Variants in MFN2 observed in about 807,000 individuals in gnomAD.
MFN2 encodes mitofusin 2, also known as mitofusin-2.
A neutral mutation model predicts 87.5 loss-of-function variants in MFN2; 43 were observed. The observed-to-expected ratio is 0.49, with a 90% confidence interval of 0.38 to 0.63. The LOEUF (loss-of-function observed/expected upper bound fraction) is 0.63. MFN2 is among the 30% of genes least tolerant of loss of function. The pLI, the probability that MFN2 is intolerant of heterozygous loss-of-function variation, is 0.00. For missense variants in MFN2, 743 were observed against 972.8 expected (o/e 0.76, Z 3.14); for synonymous variants, 337 against 359.9 (o/e 0.94, Z 0.72).
intron 18 of MFN2, among the ~76,000 whole-genome samples, chr1:12,010,259 GA>G (rs1639633734): frequency 6.6e-6 from 1 of 152,248 alleles, no homozygotes; most frequent in Admixed American, 6.5e-5. Context: ...ACTTGCAGTT[GA>G]AGGCATGATG....
chr1:11,987,038 G>A (rs796594640), intron 2 of MFN2, among the ~76,000 whole-genome samples: 1 of 152,196 alleles, frequency 6.6e-6, no homozygotes, highest in Non-Finnish European at 1.5e-5. Flanking sequence ...GGCTGGGTAC[G>A]GTGGCTCACG....
At chr1:11,993,603 C>T (rs972238202) in intron 4 of MFN2, among the ~76,000 whole-genome samples, 14 of 151,996 alleles carry the variant, frequency 9.2e-5, no homozygotes, top group South Asian at 4.2e-4. Context: ...GGTGAGGTGG[C>T]GGGCGCCTGT....
intron 17 of MFN2, among the ~76,000 whole-genome samples, 163 bp from the exon 18 acceptor site, chr1:12,009,429 C>G (rs1301742504): frequency 1.3e-5 from 2 of 152,190 alleles, no homozygotes; most frequent in African/African-American, 4.8e-5. Context: ...ATTATTCAGT[C>G]TCAGCAGGGT....
intron 1 of MFN2, 119 bp from the exon 2 acceptor site, chr1:11,981,851 T>G (rs932887727): frequency 6.6e-6 from 1 of 151,790 alleles, no homozygotes; most frequent in Non-Finnish European, 1.5e-5. Flanking sequence ...AATACCTCAA[T>G]GAGTAAGCTT....
rs1415683404 is a variant in MFN2 at position 11,981,998 on chromosome 1, T to G, written c.-121T>G. The G allele has an allele frequency of 1.4e-5, 2 of 147,028 alleles. No homozygotes were observed. Among genetic ancestry groups the G allele is most frequent in the Non-Finnish European group, 3.0e-5 (2 of 67,546 alleles). 9.1% of individuals were successfully genotyped at this position (147,028 alleles called of 1,614,324 possible). ...GGACTGGTGGAGTCAACACAGTCAA[T>G]CAATAGCCAACCTCAACCTGAGACA... On this transcript the variant is annotated 5_prime_UTR_variant, in exon 2 of 19. Transcript: ENST00000235329.
rs562708886 is a variant in MFN2, at chr1:12,012,138, C to T, written c.*573C>T. Reference sequence around the variant, plus strand: ...TCTTGGTGGTGAGGCTCAGTTACCCCTGGGCTTAGGCTGAGGCGGGCCCTG... The same window carrying T: ...TCTTGGTGGTGAGGCTCAGTTACCCTTGGGCTTAGGCTGAGGCGGGCCCTG... On this transcript the variant is annotated 3_prime_UTR_variant, in exon 19 of 19. Transcript: ENST00000235329. The T allele has an allele frequency of 6.1e-6, 1 of 162,772 alleles. No homozygotes were observed. The highest frequency in any genetic ancestry group is 1.4e-5 in the Non-Finnish European group (1 of 73,618). The allele number at this position is 162,772 out of a possible 1,614,324, so 10.1% of individuals were successfully genotyped here.
At chr1:12,006,417 C>T in intron 15 of MFN2, 121 bp from the exon 16 acceptor site, 3 of 1,324,340 alleles carry the variant, frequency 2.3e-6, no homozygotes, top group Admixed American at 4.1e-5. Flanking sequence ...CCCCTTTTTG[C>T]CTTTTGGAAA....
chr1:11,999,127 G>A (rs750860476), intron 8 of MFN2, 32 bp downstream of exon 8: 5 of 1,586,250 alleles, frequency 3.2e-6, no homozygotes, highest in Admixed American at 1.7e-5. Flanking sequence ...TTTGGGGAAT[G>A]CAACCCCGAG....
chr1:12,002,106 A>G lies in MFN2; in HGVS notation c.1160+3A>G, dbSNP rs780879194. On this transcript the variant is annotated splice_donor_region_variant and intron_variant, in intron 11 of 18. Coordinates refer to ENST00000235329, the MANE Select transcript of MFN2 (RefSeq NM_014874.4). Reference sequence around the variant, plus strand: ...CACATGGCGGCTCGGGAGCAGCAGTAAGAGTCCAAGACTGCAGATAGGTGG... The same window carrying G: ...CACATGGCGGCTCGGGAGCAGCAGTGAGAGTCCAAGACTGCAGATAGGTGG... 1 of 1,614,218 alleles carries G rather than the reference A, an allele frequency of 6.2e-7. No homozygotes were observed. The highest frequency in any genetic ancestry group is 8.5e-7 in the Non-Finnish European group (1 of 1,180,032).
At chr1:12,009,892 GC>G (rs1330959408) in intron 18 of MFN2, among the ~76,000 whole-genome samples, 166 bp downstream of exon 18, 2 of 152,184 alleles carry the variant, frequency 1.3e-5, no homozygotes, top group Non-Finnish European at 2.9e-5. Flanking sequence ...GGTGGCTGAC[GC>G]CTATAATCCC....
chr1:12,001,306 C>T (rs1639160510), intron 8 of MFN2, 95 bp from the exon 9 acceptor site: 1 of 1,527,838 alleles, frequency 6.5e-7, no homozygotes, highest in Non-Finnish European at 8.9e-7. Context: ...AGCCACCATG[C>T]CCAGCCTCTT....
rs1569862709 is a variant in MFN2 at position 12,004,900 on chromosome 1, C to T, written c.1468C>T (p.Leu490=). The T allele has an allele frequency of 3.7e-6, 6 of 1,612,608 alleles. No homozygotes were observed. Among genetic ancestry groups the T allele is most frequent in the African/African-American group, 2.7e-5 (2 of 74,986 alleles). Residue 490 remains leucine, a synonymous_variant, in exon 14 of 19, where the codon CTG becomes TTG. Coordinates refer to ENST00000235329, the MANE Select transcript of MFN2 (RefSeq NM_014874.4). This position sits in a 1 kb window ranked among gnomAD's most constrained non-coding sequence, Gnocchi z 4.2. Reference sequence around the variant, plus strand: ...CTGCTCCACGGCCATCACCAACTCCCTGCAGACCATGCAGCAGGACATGAT... The same window carrying T: ...CTGCTCCACGGCCATCACCAACTCCTTGCAGACCATGCAGCAGGACATGAT... ...DRCSTAITNS[L]QTMQQDMIDG...
intron 3 of MFN2, among the ~76,000 whole-genome samples, chr1:11,991,421 T>A (rs1198037403): frequency 1.3e-5 from 2 of 152,254 alleles, no homozygotes; most frequent in East Asian, 3.9e-4. Context: ...CAGTGCTGTC[T>A]AAGCTAGACC....
intron 2 of MFN2, among the ~76,000 whole-genome samples, chr1:11,983,375 A>C (rs565894213): frequency 1.3e-5 from 2 of 152,188 alleles, no homozygotes; most frequent in African/African-American, 2.4e-5. Context: ...CTGGCCTAGC[A>C]TATGGTGTTT....
intron 9 of MFN2, 43 bp downstream of exon 9, chr1:12,001,597 G>A: frequency 6.2e-7 from 1 of 1,613,876 alleles, no homozygotes; most frequent in Non-Finnish European, 8.5e-7. Context: ...TGATGTTTGA[G>A]ACATTTTGTC....
chr1:11,996,193 C>A lies in MFN2; in HGVS notation c.349C>A (p.Leu117Ile). ...NGKSTVINAM[L>I]WDKVLPSGIG... ...GAAGAGCACCGTGATCAATGCCATGCTCTGGGACAAAGTTCTGCCCTCTGG... is the reference window on the plus strand; with the variant it reads ...GAAGAGCACCGTGATCAATGCCATGATCTGGGACAAAGTTCTGCCCTCTGG... Residue 117 changes from leucine to isoleucine, a missense_variant, in exon 5 of 19, where the codon CTC becomes ATC. Around this residue, in one of 3 missense-constraint regions of MFN2, gnomAD observed 141 missense variants for 278.9 expected, o/e 0.51. Transcript: ENST00000235329. 6.2e-7 allele frequency: 1 copy of A among 1,614,192 alleles called. No homozygotes were observed. Among genetic ancestry groups the A allele is most frequent in the Non-Finnish European group, 8.5e-7 (1 of 1,180,032 alleles).
At chr1:11,997,466 C>T in intron 6 of MFN2, 45 bp downstream of exon 6, 1 of 1,612,272 alleles carries the variant, frequency 6.2e-7, no homozygotes, top group Non-Finnish European at 8.5e-7. Flanking sequence ...TGGAAGGCAC[C>T]AGGTTTCCAT....
At chr1:12,006,450 T>C in intron 15 of MFN2, 88 bp from the exon 16 acceptor site, 1 of 1,554,508 alleles carries the variant, frequency 6.4e-7, no homozygotes, top group Non-Finnish European at 8.8e-7. Flanking sequence ...TCTGTGTCCC[T>C]GTTCCCCAGA....
Position 12,003,857 on chromosome 1 carries a change from A to G in MFN2, c.1161-135A>G. ...CTTCTTACCTGGGAAGGGGAAGGCCATGCCCCTGGGTGCGTGTGTGCAGCC... is the reference window on the plus strand; with the variant it reads ...CTTCTTACCTGGGAAGGGGAAGGCCGTGCCCCTGGGTGCGTGTGTGCAGCC... On this transcript the variant is annotated intron_variant, in intron 11 of 18. Transcript: ENST00000235329. The surrounding 1 kb of genome is among the most constrained non-coding windows in gnomAD (Gnocchi z 4.1). The G allele has an allele frequency of 2.6e-6, 3 of 1,154,200 alleles. No homozygotes were observed. The highest frequency in any genetic ancestry group is 5.4e-4 in the Middle Eastern group (2 of 3,718). The allele number at this position is 1,154,200 out of a possible 1,614,324, so 71.5% of individuals were successfully genotyped here.
Sources: allele counts gnomAD v4.1 joint callset (sites outside exome capture counted in the v4.1 genomes callset), GRCh38; gene constraint gnomAD v4.1.1; regional missense constraint gnomAD v4.1.1; non-coding constraint Gnocchi (gnomAD v3.1); transcripts MANE v1.5; gene names NCBI Gene and HGNC (gene_info 2026-07-23, HGNC 2026-07-21).